Variants in UPP1 observed in about 807,000 individuals in gnomAD.
UPP1 encodes the protein uridine phosphorylase 1, also known as UPase 1.
In UPP1, 25 loss-of-function variants were observed where a neutral mutation model predicts 29.6. That is an observed-to-expected ratio of 0.85 (90% confidence interval 0.62 to 1.18). The LOEUF is 1.18. Among genes scored for constraint, UPP1 ranks in the 50% most tolerant of loss-of-function variants. The pLI, the probability that UPP1 is intolerant of heterozygous loss-of-function variation, is 0.00. For missense variants in UPP1, 368 were observed against 410.4 expected (o/e 0.90, Z 0.89); for synonymous variants, 165 against 159.8 (o/e 1.03, Z -0.25).
rs763344094 is a variant in UPP1 at position 48,094,804 on chromosome 7, T to C, written c.21T>C (p.Asn7=). 5.6e-6 allele frequency: 9 copies of C among 1,614,094 alleles called. No individual in the cohort carries two copies. The highest frequency in any genetic ancestry group is 7.6e-6 in the Non-Finnish European group (9 of 1,180,024). ...GCGGAATGGCGGCCACGGGAGCCAA[T>C]GCAGAGAAAGCTGAAAGTCACAAGT... The part of the protein sequence containing the change: MAATGA[N]AEKAESHNDC... The change falls in exon 3 of 9, where the codon AAT becomes AAC. Residue 7 remains asparagine, a synonymous_variant. Coordinates refer to ENST00000395564, the MANE Select transcript of UPP1 (RefSeq NM_003364.4).
rs1391909766 is a variant in UPP1, at chr7:48,107,417, T to A, written c.703T>A (p.Tyr235Asn). Residue 235 changes from tyrosine (Y) to asparagine (N), a missense_variant, in exon 8 of 9, where the codon TAT becomes AAT. Tyr to Asn is a moderately radical substitution (Grantham distance 143). Transcript: ENST00000395564. ...CSYTEKDKQA[Y>N]LEAAYAAGVR... ...CTACACGGAGAAGGACAAGCAGGCG[T>A]ATCTGGAGGCAGCCTATGCAGCCGG... The A allele has an allele frequency of 2.5e-6, 4 of 1,614,138 alleles. No individual in the cohort carries two copies. The highest frequency in any genetic ancestry group is 3.4e-6 in the Non-Finnish European group (4 of 1,180,024).
chr7:48,107,318 T>G (rs374240318), intron 7 of UPP1, 43 bp from the exon 8 acceptor site: 211 of 1,580,774 alleles, frequency 1.3e-4, no homozygotes, highest in Non-Finnish European at 1.7e-4. Context: ...TTGTAGGAGC[T>G]TCTCACATGC....
At chr7:48,091,674 T>C (rs1791843198) in intron 2 of UPP1, among the ~76,000 whole-genome samples, 1 of 152,078 alleles carries the variant, frequency 6.6e-6, no homozygotes, top group Non-Finnish European at 1.5e-5. Flanking sequence ...GTGGGTGTGG[T>C]TAAATAGACC....
intron 6 of UPP1, among the ~76,000 whole-genome samples, chr7:48,104,434 G>A (rs1300929527): frequency 2.0e-5 from 3 of 152,092 alleles, no homozygotes; most frequent in Admixed American, 2.0e-4. Flanking sequence ...TGCTCCCACC[G>A]AGGTGTTCAG....
At chr7:48,102,721 TC>T (rs770144272) in intron 5 of UPP1, among the ~76,000 whole-genome samples, 19 of 152,038 alleles carry the variant, frequency 1.2e-4, no homozygotes, top group Admixed American at 3.3e-4. Context: ...GCTGAGTTCA[TC>T]CGGGGAGAGG....
chr7:48,094,740 A>G (rs369486469), intron 2 of UPP1, 23 bp from the exon 3 acceptor site: 6 of 1,613,068 alleles, frequency 3.7e-6, no homozygotes, highest in Non-Finnish European at 4.2e-6. Context: ...GATTCACTCC[A>G]TTCTGTGATT....
At chr7:48,094,709 G>A (rs552156661) in intron 2 of UPP1, 54 bp from the exon 3 acceptor site, 6 of 1,550,210 alleles carry the variant, frequency 3.9e-6, no homozygotes, top group East Asian at 4.5e-5. Context: ...GGCTCTGCAC[G>A]ATCTTGGTTT....
chr7:48,094,242 C>G (rs1457878485), intron 2 of UPP1, among the ~76,000 whole-genome samples: 1 of 152,050 alleles, frequency 6.6e-6, no homozygotes, highest in African/African-American at 2.4e-5. Flanking sequence ...GAATAAGGGA[C>G]AGGTTTTTGT....
chr7:48,107,636 C>A, intron 8 of UPP1, 129 bp downstream of exon 8: 2 of 1,109,898 alleles, frequency 1.8e-6, no homozygotes, highest in East Asian at 2.5e-5. Context: ...CCGCTGCCCC[C>A]AAGTCACTTT....
chr7:48,106,748 G>T lies in UPP1; in HGVS notation c.437-125G>T, dbSNP rs1583883138. On this transcript the variant is annotated intron_variant, in intron 6 of 8. Transcript: ENST00000395564. ...TTGAGAACAGTACTGGATGCTTCGT[G>T]TTTGGATGTGTGGGTGGATCTGCTT... 3.6e-6 allele frequency: 3 copies of T among 830,656 alleles called. No individual in the cohort carries two copies. In the African/African-American group the frequency reaches 5.0e-5, roughly 14 times the overall value. 51.5% of individuals were successfully genotyped at this position (830,656 alleles called of 1,614,324 possible).
At chr7:48,100,082 A>G (rs1390710974) in intron 4 of UPP1, among the ~76,000 whole-genome samples, 2 of 152,182 alleles carry the variant, frequency 1.3e-5, no homozygotes, top group East Asian at 3.8e-4. Context: ...GTATTTCATC[A>G]TTGTGTGGAC....
At chr7:48,098,907 G>GTT (rs1309166764) in intron 3 of UPP1, among the ~76,000 whole-genome samples, 2 of 152,182 alleles carry the variant, frequency 1.3e-5, no homozygotes, top group Admixed American at 1.3e-4. Context: ...TGGGGCATTT[G>GTT]TTTTGTAAGG....
intron 3 of UPP1, among the ~76,000 whole-genome samples, chr7:48,097,330 C>T (rs1792176893): frequency 6.6e-6 from 1 of 152,168 alleles, no homozygotes; most frequent in Non-Finnish European, 1.5e-5. Flanking sequence ...ACCTCCTGGG[C>T]TCAGGTGATC....
chr7:48,104,278 G>A (rs1308538128), intron 6 of UPP1, among the ~76,000 whole-genome samples: 1 of 152,146 alleles, frequency 6.6e-6, no homozygotes, highest in Non-Finnish European at 1.5e-5. Flanking sequence ...GAAAGAATGA[G>A]ATTTAATGAG....
At chr7:48,094,631 A>G (rs530993870) in intron 2 of UPP1, 132 bp from the exon 3 acceptor site, 10 of 718,506 alleles carry the variant, frequency 1.4e-5, no homozygotes, top group African/African-American at 1.2e-4. Flanking sequence ...TTCTCACACA[A>G]TTCACACACT....
intron 3 of UPP1, among the ~76,000 whole-genome samples, chr7:48,098,604 C>G (rs1792250292): frequency 3.9e-5 from 6 of 152,014 alleles, no homozygotes; most frequent in Admixed American, 3.9e-4. Flanking sequence ...CCTTATTTAA[C>G]AGTTATTTCC....
At chr7:48,092,158 TAGC>T (rs1351513018) in intron 2 of UPP1, among the ~76,000 whole-genome samples, 7 of 151,924 alleles carry the variant, frequency 4.6e-5, no homozygotes, top group Admixed American at 4.6e-4. Flanking sequence ...AAGACAAAAA[TAGC>T]AGCCTGGAGG....
intron 8 of UPP1, among the ~76,000 whole-genome samples, chr7:48,107,832 A>T (rs1792850003): frequency 6.6e-6 from 1 of 152,222 alleles, no homozygotes; most frequent in Admixed American, 6.5e-5. Context: ...ATTGTGGTTC[A>T]TCTACCCTCA....
Position 48,107,436 on chromosome 7 carries a change from C to G in UPP1, c.722C>G (p.Ala241Gly), listed in dbSNP as rs751308780. The G allele has an allele frequency of 3.7e-6, 6 of 1,614,164 alleles. No individual in the cohort carries two copies. Among genetic ancestry groups the G allele is most frequent in the Non-Finnish European group, 5.1e-6 (6 of 1,180,010 alleles). The change falls in exon 8 of 9, where the codon GCA (alanine) becomes GGA (glycine). Residue 241 changes from alanine to glycine, a missense_variant. Physicochemically the swap from Ala to Gly is moderately conservative, Grantham distance 60. Coordinates refer to ENST00000395564, the MANE Select transcript of UPP1 (RefSeq NM_003364.4). ...CAGGCGTATCTGGAGGCAGCCTATG[C>G]AGCCGGCGTCCGCAATATCGAGATG... ...DKQAYLEAAY[A>G]AGVRNIEMES... is the part of the protein sequence containing the mutation.
Sources: allele counts gnomAD v4.1 joint callset (sites outside exome capture counted in the v4.1 genomes callset), GRCh38; gene constraint gnomAD v4.1.1; transcripts MANE v1.5; gene names NCBI Gene and HGNC (gene_info 2026-07-23, HGNC 2026-07-21).